Variants in ATP8A2 observed in about 807,000 individuals in gnomAD.
ATP8A2 encodes the protein phospholipid-transporting ATPase IB.
ATP8A2 carries 100 observed loss-of-function variants against 165.6 expected under a neutral mutation model. That is an observed-to-expected ratio of 0.60 (90% CI 0.51 to 0.71). The LOEUF (loss-of-function observed/expected upper bound fraction) is 0.71, where lower values mean the gene tolerates loss of function less well. Among genes scored for constraint, ATP8A2 ranks in the 30% least tolerant of loss-of-function variants. ATP8A2 has a pLI of 0.00. For synonymous variants in ATP8A2, 543 were observed against 548.8 expected (o/e 0.99, Z 0.15); for missense variants, 1,227 against 1,479.5 (o/e 0.83, Z 2.80).
intron 1 of ATP8A2, among the ~76,000 whole-genome samples, chr13:25,416,004 T>C (rs549703557): frequency 6.6e-6 from 1 of 152,252 alleles, no homozygotes; most frequent in South Asian, 2.1e-4. Context: ...TTTTTAAAAT[T>C]TTTTGTAGAG....
chr13:25,746,410 A>G (rs1425232486), intron 25 of ATP8A2, among the ~76,000 whole-genome samples: 1 of 152,226 alleles, frequency 6.6e-6, no homozygotes, highest in South Asian at 2.1e-4. Flanking sequence ...GCACGTAGGC[A>G]AATAAAGTTC....
intron 27 of ATP8A2, among the ~76,000 whole-genome samples, chr13:25,798,068 A>G (rs1950533636): frequency 1.3e-5 from 2 of 152,150 alleles, no homozygotes; most frequent in Admixed American, 6.6e-5. Context: ...AGAATTCCTT[A>G]ACTCCCATGT....
At chr13:25,879,360 A>C (rs1474624105) in intron 33 of ATP8A2, among the ~76,000 whole-genome samples, 1 of 152,210 alleles carries the variant, frequency 6.6e-6, no homozygotes, top group Non-Finnish European at 1.5e-5. Context: ...GCTAAACTTT[A>C]TTAAATATGC....
intron 2 of ATP8A2, among the ~76,000 whole-genome samples, chr13:25,490,055 A>G (rs1447159517): frequency 6.6e-6 from 1 of 152,116 alleles, no homozygotes; most frequent in South Asian, 2.1e-4. Context: ...GCAGTGGTGG[A>G]ATATCGAGGG....
At position 25,426,838 on chromosome 13, in the gene ATP8A2, C is replaced by T. The variant is rs76101611; in HGVS notation, c.77-42139C>T. 6.6e-5 allele frequency among the ~76,000 whole-genome samples: 10 copies of T among 152,042 alleles called. No homozygotes were observed. In the South Asian group the frequency reaches 8.3e-4, roughly 13 times the overall value. On this transcript the variant is annotated intron_variant, in intron 1 of 36. Coordinates refer to ENST00000381655, the MANE Select transcript of ATP8A2 (RefSeq NM_016529.6). ...ACACATGCCTGTAATCCCAGCTACT[C>T]GGGAGGCTGAGAGAGGAGAATCGAC... is the stretch of plus-strand genomic sequence containing the variant.
chr13:25,867,808 TGATG>T (rs1438009730), intron 33 of ATP8A2: 1 of 176,982 alleles, frequency 5.7e-6, no homozygotes, highest in African/African-American at 2.4e-5. Flanking sequence ...GGTGCTGCTG[TGATG>T]CTGGGAATGG....
At chr13:25,481,578 A>C (rs1400061099) in intron 2 of ATP8A2, among the ~76,000 whole-genome samples, 1 of 152,186 alleles carries the variant, frequency 6.6e-6, no homozygotes, top group Non-Finnish European at 1.5e-5. Flanking sequence ...GTAAGGAGAG[A>C]GACAGACAGG....
chr13:25,458,134 A>G (rs1012027485), intron 1 of ATP8A2, among the ~76,000 whole-genome samples: 1 of 152,168 alleles, frequency 6.6e-6, no homozygotes, highest in Non-Finnish European at 1.5e-5. Context: ...CCCAAGAAAG[A>G]TTAGAAGGAA....
chr13:25,881,556 A>C (rs927058681), intron 33 of ATP8A2, among the ~76,000 whole-genome samples: 2 of 151,786 alleles, frequency 1.3e-5, no homozygotes, highest in African/African-American at 4.9e-5. Context: ...AAAAGGATAG[A>C]CTAGGTAAAC....
chr13:25,554,563 G>GTGTA (rs1321458346), intron 12 of ATP8A2, among the ~76,000 whole-genome samples: 1 of 147,220 alleles, frequency 6.8e-6, no homozygotes, highest in Non-Finnish European at 1.5e-5. Context: ...GTGTGTGTGT[G>GTGTA]TGTATTTCTT....
At chr13:25,749,606 G>C (rs1427432418) in intron 25 of ATP8A2, among the ~76,000 whole-genome samples, 1 of 152,134 alleles carries the variant, frequency 6.6e-6, no homozygotes, top group Non-Finnish European at 1.5e-5. Flanking sequence ...CCTTGAGTGA[G>C]CAGCTACAGA....
At chr13:25,705,608 C>T (rs368284325) in intron 25 of ATP8A2, among the ~76,000 whole-genome samples, 3 of 152,048 alleles carry the variant, frequency 2.0e-5, no homozygotes, top group African/African-American at 2.4e-5. Flanking sequence ...AGAAAAAGGC[C>T]GAGTGGACGC....
intron 35 of ATP8A2, among the ~76,000 whole-genome samples, chr13:25,998,365 T>C (rs528536020): frequency 6.6e-6 from 1 of 152,110 alleles, no homozygotes; most frequent in Non-Finnish European, 1.5e-5. Flanking sequence ...GAGAGCCTCA[T>C]AACAGTCTCC....
intron 24 of ATP8A2, among the ~76,000 whole-genome samples, chr13:25,693,582 C>T (rs958334933): frequency 9.9e-5 from 15 of 152,154 alleles, no homozygotes; most frequent in Admixed American, 6.6e-5. Context: ...GAGAACCAGC[C>T]ATTTTCAAGC....
intron 1 of ATP8A2, among the ~76,000 whole-genome samples, chr13:25,449,206 G>A (rs2035147698): frequency 6.6e-6 from 1 of 151,938 alleles, no homozygotes; most frequent in African/African-American, 2.4e-5. Flanking sequence ...TTTAAAGAAA[G>A]CGTCTTTATT....
At chr13:25,697,977 T>A (rs1475535786) in intron 24 of ATP8A2, among the ~76,000 whole-genome samples, 1 of 152,262 alleles carries the variant, frequency 6.6e-6, no homozygotes, top group Non-Finnish European at 1.5e-5. Flanking sequence ...ATCCTCAATT[T>A]TACTAGAGGT....
At chr13:25,553,566 G>A (rs2038888111) in intron 11 of ATP8A2, among the ~76,000 whole-genome samples, 1 of 152,152 alleles carries the variant, frequency 6.6e-6, no homozygotes, top group Admixed American at 6.5e-5. Context: ...CCATTAGAAA[G>A]CCTTCTGTGT....
intron 2 of ATP8A2, among the ~76,000 whole-genome samples, chr13:25,490,410 C>T (rs2036490361): frequency 6.6e-6 from 1 of 152,206 alleles, no homozygotes; most frequent in Non-Finnish European, 1.5e-5. Context: ...AAGCTGCTGT[C>T]CTCCAGGAGC....
chr13:25,374,340 G>A (rs990570605), intron 1 of ATP8A2, among the ~76,000 whole-genome samples: 6 of 152,180 alleles, frequency 3.9e-5, no homozygotes, highest in Non-Finnish European at 8.8e-5. Flanking sequence ...GGGGAAGAAC[G>A]CCTAATAGAG....
Sources: gnomAD v4.1 joint callset for allele counts (sites outside exome capture counted in the v4.1 genomes callset) on GRCh38, gnomAD v4.1.1 for gene constraint, MANE v1.5 for transcripts, NCBI Gene and HGNC (gene_info 2026-07-23, HGNC 2026-07-21) for gene names.